Variants in TMEM185A observed in about 807,000 individuals in gnomAD.
TMEM185A encodes transmembrane protein 185A.
In TMEM185A, 9 loss-of-function variants were observed where a neutral mutation model predicts 25.0. The ratio of observed to expected loss-of-function variants is 0.36; its 90% CI spans 0.22 to 0.63. TMEM185A has a LOEUF of 0.63. Among genes scored for constraint, TMEM185A ranks in the 20% least tolerant of loss-of-function variants. TMEM185A has a pLI of 0.68. For missense variants in TMEM185A, 103 were observed against 237.4 expected, an observed-to-expected ratio of 0.43 and a Z score of 3.72; for synonymous variants, 45 against 93.5, an observed-to-expected ratio of 0.48 and a Z score of 2.99.
At chrX:149,611,556 T>A in intron 1 of TMEM185A, 93 bp from the exon 2 acceptor site, 1 of 812,669 alleles carries the variant, frequency 1.2e-6, no homozygotes, top group African/African-American at 2.1e-5. Context: ...TGTCAGCATG[T>A]AAAAGGAGTC....
chrX:149,631,738 C>CCGCCGCCGCCGT lies in TMEM185A; in HGVS notation c.-159_-158insACGGCGGCGGCG, dbSNP rs2090198291. ...CCCGCTGCCGTCGCCGTCGCCGTCG[C>CCGCCGCCGCCGT]CGCCGCCGCCGCCGCCGCCGCCGCC... On this transcript the variant is annotated 5_prime_UTR_variant, in exon 1 of 7. Transcript: ENST00000600449. The CCGCCGCCGCCGT allele has an allele frequency of 7.6e-5, 1 of 13,218 alleles. No homozygotes were observed. Among genetic ancestry groups the CCGCCGCCGCCGT allele is most frequent in the Non-Finnish European group, 1.3e-4 (1 of 7,614 alleles). 1.1% of individuals were successfully genotyped at this position (13,218 alleles called of 1,213,427 possible).
At chrX:149,624,087 T>C (rs1378671837) in intron 1 of TMEM185A, among the ~76,000 whole-genome samples, 3 of 112,965 alleles carry the variant, frequency 2.7e-5, no homozygotes, top group African/African-American at 9.6e-5. Flanking sequence ...AGTATAAAAA[T>C]AGACTGCTTA....
At chrX:149,623,621 GAAAA>G (rs374915115) in intron 1 of TMEM185A, among the ~76,000 whole-genome samples, 5 of 93,538 alleles carry the variant, frequency 5.3e-5, no homozygotes, top group Non-Finnish European at 8.9e-5. Context: ...AGAAAACAAA[GAAAA>G]AAAAAAAGAG....
intron 1 of TMEM185A, among the ~76,000 whole-genome samples, chrX:149,631,303 G>A (rs1186645636): frequency 2.7e-5 from 3 of 110,624 alleles, no homozygotes; most frequent in Non-Finnish European, 5.7e-5. Context: ...GCTCGCGGCC[G>A]GGCCCTTCCG....
intron 1 of TMEM185A, among the ~76,000 whole-genome samples, chrX:149,630,234 G>C (rs2090184171): frequency 9.0e-6 from 1 of 111,712 alleles, no homozygotes; most frequent in African/African-American, 3.3e-5. Context: ...AGTGGAATAA[G>C]AGCACATACA....
At chrX:149,605,470 CTTGTCACTTTCT>C (rs1569560959) in intron 3 of TMEM185A, among the ~76,000 whole-genome samples, 1 of 101,295 alleles carries the variant, frequency 9.9e-6, no homozygotes, top group Admixed American at 1.1e-4. Flanking sequence ...TATGGCCTCC[CTTGTCACTTTCT>C]ATGGCCTCCC....
intron 2 of TMEM185A, among the ~76,000 whole-genome samples, chrX:149,610,256 A>C (rs968589336): frequency 1.9e-5 from 2 of 107,927 alleles, no homozygotes; most frequent in African/African-American, 6.7e-5. Flanking sequence ...GTGAAACCCT[A>C]TCTCTACTAA....
chrX:149,631,717 CTGCCGTCGCCGTCGCCGT>C lies in TMEM185A; in HGVS notation c.-155_-138del, dbSNP rs2090195231. The C allele has an allele frequency of 1.9e-5, 12 of 621,303 alleles. No homozygotes were observed. The highest frequency in any genetic ancestry group is 9.6e-5 in the African/African-American group (4 of 41,727). The allele number at this position is 621,303 out of a possible 1,213,427, so 51.2% of individuals were successfully genotyped here. On this transcript the variant is annotated 5_prime_UTR_variant, in exon 1 of 7. Transcript: ENST00000600449. ...GCTCCCGCTACTGCTGCCGTCCCCG[CTGCCGTCGCCGTCGCCGT>C]CGCCGCCGCCGCCGCCGCCGCCGCC... is the stretch of plus-strand genomic sequence containing the variant.
chrX:149,603,983 A>G lies in TMEM185A; in HGVS notation c.507+4T>C, dbSNP rs1296117606. ...TTTATTTAAGGATTTTAAAAGTTAC[A>G]TACAAGCCAGGGCCAGTGGATGATC... On this transcript the variant is annotated splice_donor_region_variant and intron_variant, in intron 4 of 6. Transcript: ENST00000600449. 1.7e-6 allele frequency: 2 copies of G among 1,201,855 alleles called. No homozygotes were observed. The highest frequency in any genetic ancestry group is 5.9e-5 in the East Asian group (2 of 33,759).
chrX:149,612,455 A>T (rs2090088831), intron 1 of TMEM185A, among the ~76,000 whole-genome samples: 3 of 112,560 alleles, frequency 2.7e-5, no homozygotes, highest in South Asian at 7.3e-4. Flanking sequence ...ATCCCACTTT[A>T]TCTATCTATA....
rs2090188929 is a variant in TMEM185A at position 149,631,078 on chromosome X, T to G, written c.38+465A>C. Among the ~76,000 whole-genome samples, 4 of 109,992 alleles carry G rather than the reference T, an allele frequency of 3.6e-5. No individual in the cohort carries two copies. The Admixed American group carries it at 3.8e-4, about 11-fold the overall frequency. On this transcript the variant is annotated intron_variant, in intron 1 of 6. Coordinates refer to ENST00000600449, the MANE Select transcript of TMEM185A (RefSeq NM_032508.4). ...AACAAAGAAGCAAACAAGAGAGGGATGGGCATAAACCCAAGGAAAACCCCA... is the reference window on the plus strand; with the variant it reads ...AACAAAGAAGCAAACAAGAGAGGGAGGGGCATAAACCCAAGGAAAACCCCA...
At chrX:149,618,074 C>T (rs150838529) in intron 1 of TMEM185A, among the ~76,000 whole-genome samples, 312 of 111,190 alleles carry the variant, frequency 2.8e-3, no homozygotes, top group African/African-American at 9.8e-3. Flanking sequence ...GGAGTCAAAC[C>T]ATTTGACTCC....
chrX:149,622,692 C>T (rs1386026671), intron 1 of TMEM185A, among the ~76,000 whole-genome samples: 1 of 111,103 alleles, frequency 9.0e-6, no homozygotes, highest in African/African-American at 3.3e-5. Flanking sequence ...AATGCGTTCG[C>T]TCAAGATGCT....
chrX:149,621,358 T>C (rs2090139141), intron 1 of TMEM185A, among the ~76,000 whole-genome samples: 1 of 112,153 alleles, frequency 8.9e-6, no homozygotes, highest in Admixed American at 9.4e-5. Context: ...AAAGGGATTA[T>C]TTTATGTGGT....
In TMEM185A at chrX:149,611,148, A is replaced by T. The variant is rs2090081187; in HGVS notation, c.215+139T>A. 6 of 586,513 alleles carry T rather than the reference A, an allele frequency of 1.0e-5. No homozygotes were observed. In the South Asian group the frequency reaches 2.6e-4, roughly 26 times the overall value. The allele number at this position is 586,513 out of a possible 1,213,427, so 48.3% of individuals were successfully genotyped here. ...GACTAAATTTTCAAAAACACAGAAGAGATCTGTTAGCTTATACTATAGTTC... is the reference window on the plus strand; with the variant it reads ...GACTAAATTTTCAAAAACACAGAAGTGATCTGTTAGCTTATACTATAGTTC... On this transcript the variant is annotated intron_variant, in intron 2 of 6. Transcript: ENST00000600449.
intron 1 of TMEM185A, among the ~76,000 whole-genome samples, chrX:149,626,282 A>C (rs1362391889): frequency 8.0e-5 from 9 of 112,704 alleles, no homozygotes; most frequent in African/African-American, 2.9e-4. Flanking sequence ...ACAACAGATA[A>C]GCAGTCACTT....
chrX:149,613,697 T>C (rs1557354749), intron 1 of TMEM185A, among the ~76,000 whole-genome samples: 1 of 112,315 alleles, frequency 8.9e-6, no homozygotes, highest in East Asian at 2.8e-4. Context: ...CGAATGCTAA[T>C]AAATATAGCT....
chrX:149,627,246 T>C lies in TMEM185A; in HGVS notation c.38+4297A>G, dbSNP rs782480449. On this transcript the variant is annotated intron_variant, in intron 1 of 6. Coordinates refer to ENST00000600449, the MANE Select transcript of TMEM185A (RefSeq NM_032508.4). The stretch of plus-strand genomic sequence containing the variant: ...CACTGTGTCCCTGGTTAATCGAGAA[T>C]GGAGAATGGCGATGACTTTTACCAA... Among the ~76,000 whole-genome samples the C allele has an allele frequency of 7.1e-5, 8 of 112,576 alleles. No individual in the cohort carries two copies. In the East Asian group the frequency reaches 2.2e-3, roughly 31 times the overall value.
At position 149,631,781 on chromosome X, in the gene TMEM185A, C is replaced by CGCCGCCG; in HGVS notation, c.-202_-201insCGGCGGC. 1 of 291,496 alleles carries CGCCGCCG rather than the reference C, an allele frequency of 3.4e-6. No homozygotes were observed. Among genetic ancestry groups the CGCCGCCG allele is most frequent in the Non-Finnish European group, 5.8e-6 (1 of 172,999 alleles). 24.0% of individuals were successfully genotyped at this position (291,496 alleles called of 1,213,427 possible). The stretch of plus-strand genomic sequence containing the variant: ...CCGCCGCCGCCGCCGCCGCCGCCGC[C>CGCCGCCG]CGGAGAAACCTGAGCCACCGCCCCC... On this transcript the variant is annotated 5_prime_UTR_variant, in exon 1 of 7. Transcript: ENST00000600449.
Sources: allele counts gnomAD v4.1 joint callset (sites outside exome capture counted in the v4.1 genomes callset), GRCh38; gene constraint gnomAD v4.1.1; transcripts MANE v1.5; gene names NCBI Gene and HGNC (gene_info 2026-07-23, HGNC 2026-07-21).